The following ADCY8 variants were observed in gnomAD, a reference collection of about 807,000 sequenced individuals.
ADCY8 encodes adenylate cyclase type 8.
ADCY8 carries 51 observed loss-of-function variants against 119.7 expected under a neutral mutation model. The observed-to-expected ratio is 0.43, with a 90% CI of 0.34 to 0.54. The LOEUF (loss-of-function observed/expected upper bound fraction) is 0.54. Among genes scored for constraint, ADCY8 ranks in the 20% least tolerant of loss-of-function variants. The pLI, the probability that ADCY8 is intolerant of heterozygous loss-of-function variation, is 0.03. For synonymous variants in ADCY8, 665 were observed against 651.0 expected (o/e 1.02, Z -0.33); for missense variants, 1,383 against 1,598.8 (o/e 0.87, Z 2.30).
Position 130,780,786 on chromosome 8 carries a change from T to A in ADCY8, c.3360A>T (p.Arg1120=), listed in dbSNP as rs1214000342. 1 of 1,614,208 alleles carries A rather than the reference T, an allele frequency of 6.2e-7. No individual in the cohort carries two copies. The highest frequency in any genetic ancestry group is 1.1e-5 in the South Asian group (1 of 91,074). The change falls in exon 18 of 18, where the codon CGA becomes CGT. Residue 1120 remains arginine, a synonymous_variant. Transcript: ENST00000286355. ...GGCCACTAACCCCCGTGCTGTCCAT[T>A]CGGCTTGCCAGGTTCACAGTTTTGC... ...IWGKTVNLAS[R]MDSTGVSGRI... is the part of the protein sequence containing the mutation.
At chr8:130,852,553 A>C (rs1414953783) in intron 9 of ADCY8, among the ~76,000 whole-genome samples, 4 of 152,160 alleles carry the variant, frequency 2.6e-5, no homozygotes, top group Admixed American at 1.3e-4. Flanking sequence ...TCACATGAGG[A>C]AACCAACGAG....
At chr8:130,832,279 C>T (rs536184265) in intron 12 of ADCY8, among the ~76,000 whole-genome samples, 7 of 152,194 alleles carry the variant, frequency 4.6e-5, no homozygotes, top group African/African-American at 7.2e-5. Context: ...GGTAGTTTGA[C>T]GAGCAGATTG....
intron 13 of ADCY8, 24 bp from the exon 14 acceptor site, chr8:130,814,251 G>C: frequency 1.2e-6 from 2 of 1,612,138 alleles, no homozygotes; most frequent in Non-Finnish European, 1.7e-6. Context: ...GAGAGAAAGA[G>C]GAGAATGAGG....
intron 4 of ADCY8, among the ~76,000 whole-genome samples, chr8:130,942,921 G>A (rs968244422): frequency 5.3e-5 from 8 of 152,280 alleles, no homozygotes; most frequent in Admixed American, 4.6e-4. Flanking sequence ...AGATGGTGGT[G>A]GGATGGCCCA....
At chr8:130,960,860 T>A (rs1430684284) in intron 2 of ADCY8, among the ~76,000 whole-genome samples, 1 of 152,204 alleles carries the variant, frequency 6.6e-6, no homozygotes, top group Non-Finnish European at 1.5e-5. Flanking sequence ...TTGGAGGATA[T>A]GAATCTGTAT....
chr8:130,904,990 C>T (rs1300433162), intron 6 of ADCY8, among the ~76,000 whole-genome samples: 1 of 152,162 alleles, frequency 6.6e-6, no homozygotes, highest in Non-Finnish European at 1.5e-5. Context: ...GTAGCTCTGC[C>T]ACTTGCCAGC....
At chr8:130,802,409 T>A (rs983450568) in intron 14 of ADCY8, among the ~76,000 whole-genome samples, 1 of 152,200 alleles carries the variant, frequency 6.6e-6, no homozygotes, top group Non-Finnish European at 1.5e-5. Flanking sequence ...AGCCTTCTAC[T>A]GGGTTTCCTG....
At chr8:130,990,094 T>A (rs1586635053) in intron 2 of ADCY8, among the ~76,000 whole-genome samples, 1 of 152,232 alleles carries the variant, frequency 6.6e-6, no homozygotes, top group Admixed American at 6.5e-5. Flanking sequence ...ATGCCGATGA[T>A]TTTGAGGAAT....
chr8:130,921,446 TTTC>T (rs990286998), intron 5 of ADCY8, among the ~76,000 whole-genome samples: 37 of 121,278 alleles, frequency 3.1e-4, no homozygotes, highest in South Asian at 4.6e-4. Context: ...TTCTTTTTCT[TTTC>T]TTTTTTTTTT....
At chr8:130,995,945 T>A (rs1292557337) in intron 1 of ADCY8, among the ~76,000 whole-genome samples, 2 of 152,164 alleles carry the variant, frequency 1.3e-5, no homozygotes, top group Admixed American at 1.3e-4. Context: ...AAATAAATGC[T>A]CAGCATAGTG....
At chr8:131,020,791 G>A (rs1175090751) in intron 1 of ADCY8, among the ~76,000 whole-genome samples, 4 of 152,122 alleles carry the variant, frequency 2.6e-5, no homozygotes, top group African/African-American at 9.7e-5. Context: ...ATCTCACAAG[G>A]CCTGGTGCAC....
At chr8:130,792,172 T>C (rs1260204328) in intron 15 of ADCY8, among the ~76,000 whole-genome samples, 2 of 152,220 alleles carry the variant, frequency 1.3e-5, no homozygotes, top group Non-Finnish European at 2.9e-5. Flanking sequence ...GATGGGGCTC[T>C]ACTCCTGTTT....
rs568398874 is a variant in ADCY8 at position 131,039,737 on chromosome 8, T to G, written c.597A>C (p.Leu199=). 6.4e-5 allele frequency: 104 copies of G among 1,614,018 alleles called. No individual in the cohort carries two copies. In the East Asian group the frequency reaches 2.1e-3, roughly 33 times the overall value. Residue 199 remains leucine (L), a synonymous_variant, in exon 1 of 18, where the codon CTA becomes CTC. Coordinates refer to ENST00000286355, the MANE Select transcript of ADCY8 (RefSeq NM_001115.3). ...DVLTKLTLLV[L]HLSLASAPMD... ...TGGGGGCCGAGGCCAGGCTCAAGTGTAGGACCAAGAGAGTGAGTTTGGTCA... is the reference window on the plus strand; with the variant it reads ...TGGGGGCCGAGGCCAGGCTCAAGTGGAGGACCAAGAGAGTGAGTTTGGTCA...
At chr8:130,787,779 C>CACACACA (rs1563664148) in intron 15 of ADCY8, among the ~76,000 whole-genome samples, 5 of 151,620 alleles carry the variant, frequency 3.3e-5, no homozygotes, top group African/African-American at 1.2e-4. Context: ...GTATGTGTGC[C>CACACACA]TGTGTGTGGG....
chr8:130,791,081 A>G (rs983085261), intron 15 of ADCY8, among the ~76,000 whole-genome samples: 1 of 152,154 alleles, frequency 6.6e-6, no homozygotes, highest in African/African-American at 2.4e-5. Context: ...CTTTTACACT[A>G]CTTACTTTTT....
chr8:130,797,665 C>T lies in ADCY8; in HGVS notation c.3060+2761G>A, dbSNP rs891518517. Among the ~76,000 whole-genome samples, 8 of 152,108 alleles carry T rather than the reference C, an allele frequency of 5.3e-5. No homozygotes were observed. In the South Asian group the frequency reaches 1.2e-3, roughly 24 times the overall value. ...GGACAGGAGTTAAAGGTGCTATTGT[C>T]ACAAAATTGCCTTCCCCTCCCCACC... On this transcript the variant is annotated intron_variant, in intron 15 of 17. Coordinates refer to ENST00000286355, the MANE Select transcript of ADCY8 (RefSeq NM_001115.3).
intron 5 of ADCY8, among the ~76,000 whole-genome samples, chr8:130,936,607 C>T (rs1340652319): frequency 6.6e-6 from 1 of 152,210 alleles, no homozygotes; most frequent in East Asian, 1.9e-4. Context: ...TTTCAGTCAA[C>T]AGCTTAGACA....
intron 2 of ADCY8, among the ~76,000 whole-genome samples, chr8:130,987,472 AAAT>A (rs1438769298): frequency 6.6e-6 from 1 of 150,668 alleles, no homozygotes; most frequent in African/African-American, 2.4e-5. Flanking sequence ...TGAACAAATT[AAAT>A]AATTATTTTT....
intron 5 of ADCY8, among the ~76,000 whole-genome samples, chr8:130,927,347 A>G (rs1820502544): frequency 6.6e-6 from 1 of 152,074 alleles, no homozygotes; most frequent in Non-Finnish European, 1.5e-5. Flanking sequence ...ATGATTAGTG[A>G]TGTTTAACTT....
Sources: gnomAD v4.1 joint callset for allele counts (sites outside exome capture counted in the v4.1 genomes callset) on GRCh38, gnomAD v4.1.1 for gene constraint, MANE v1.5 for transcripts, NCBI Gene and HGNC (gene_info 2026-07-23, HGNC 2026-07-21) for gene names.